The following CLDN11 variants were observed in gnomAD, a reference collection of about 807,000 sequenced individuals.
CLDN11 encodes the protein claudin-11.
Under a neutral mutation model 18.0 loss-of-function variants are expected in CLDN11, and 1 was observed. That is an observed-to-expected ratio of 0.06 (90% CI 0.02 to 0.26). The LOEUF (loss-of-function observed/expected upper bound fraction) is 0.26. Ranked by LOEUF, CLDN11 falls within the 10% of genes least tolerant of loss-of-function variation. The pLI is 1.00. For missense variants in CLDN11, 172 were observed against 276.6 expected (o/e 0.62, Z 2.68); for synonymous variants, 116 against 121.5 (o/e 0.96, Z 0.30).
chr3:170,423,427 G>T, intron 2 of CLDN11, 100 bp downstream of exon 2: 1 of 1,275,936 alleles, frequency 7.8e-7, no homozygotes, highest in Non-Finnish European at 1.1e-6. Flanking sequence ...AATGTGAAAG[G>T]AAGCCAAGTG....
At chr3:170,426,517 A>C (rs1738857907) in intron 2 of CLDN11, among the ~76,000 whole-genome samples, 2 of 152,180 alleles carry the variant, frequency 1.3e-5, no homozygotes, top group Non-Finnish European at 2.9e-5. Context: ...AACTGTGCTG[A>C]ATCTGGAACC....
At chr3:170,425,789 C>T (rs972689813) in intron 2 of CLDN11, among the ~76,000 whole-genome samples, 1 of 152,192 alleles carries the variant, frequency 6.6e-6, no homozygotes, top group African/African-American at 2.4e-5. Context: ...TGCTTTGCTC[C>T]TATCCGGATT....
rs747114994 is a variant in CLDN11 at position 170,419,063 on chromosome 3, C to T, written c.-4C>T. On this transcript the variant is annotated 5_prime_UTR_variant, in exon 1 of 3. Transcript: ENST00000064724. This position sits in a 1 kb window ranked among gnomAD's most constrained non-coding sequence, Gnocchi z 8.6. The stretch of plus-strand genomic sequence containing the variant: ...CGAGGCACGGGGACATCCTGGCGGC[C>T]ACCATGGTGGCCACGTGCCTGCAGG... 4 of 1,549,000 alleles carry T rather than the reference C, an allele frequency of 2.6e-6. No homozygotes were observed. The Admixed American group carries it at 7.8e-5, about 30-fold the overall frequency.
chr3:170,430,778 T>G lies in CLDN11; in HGVS notation c.392-1746T>G, dbSNP rs181693447. ...CCAGGCTGATCTTGAACTCCTGACC[T>G]CAGGTGATTCGCCCACCTTGGCCTC... is the stretch of plus-strand genomic sequence containing the variant. On this transcript the variant is annotated intron_variant, in intron 2 of 2. Coordinates refer to ENST00000064724, the MANE Select transcript of CLDN11 (RefSeq NM_005602.6). 2.4e-4 allele frequency among the ~76,000 whole-genome samples: 36 copies of G among 152,164 alleles called. No individual in the cohort carries two copies. In the East Asian group the frequency reaches 6.6e-3, roughly 28 times the overall value.
Position 170,419,517 on chromosome 3 carries a change from C to G in CLDN11, c.226+225C>G, listed in dbSNP as rs1560232766. ...TTTGAGATAATAGTGGCAATGTGGC[C>G]GGTGGTAACACTGGCCGGGTCCCTT... On this transcript the variant is annotated intron_variant, in intron 1 of 2. Transcript: ENST00000064724. This position sits in a 1 kb window ranked among gnomAD's most constrained non-coding sequence, Gnocchi z 8.6. Among the ~76,000 whole-genome samples, 1 of 152,200 alleles carries G rather than the reference C, an allele frequency of 6.6e-6. No individual in the cohort carries two copies. The highest frequency in any genetic ancestry group is 1.5e-5 in the Non-Finnish European group (1 of 68,030).
rs543979830 is a variant in CLDN11 at position 170,431,528 on chromosome 3, C to A, written c.392-996C>A. Among the ~76,000 whole-genome samples the A allele has an allele frequency of 5.9e-5, 9 of 152,240 alleles. No individual in the cohort carries two copies. The East Asian group carries it at 1.2e-3, about 20-fold the overall frequency. On this transcript the variant is annotated intron_variant, in intron 2 of 2. Coordinates refer to ENST00000064724, the MANE Select transcript of CLDN11 (RefSeq NM_005602.6). ...AAAATTCAGTTCTTCATCTCACTAG[C>A]CTCATGGCAAATGATCAATGGTCCC...
In CLDN11 at chr3:170,428,140, C is replaced by CAAA. The variant is rs34713746; in HGVS notation, c.392-4369_392-4367dup. 3.3e-3 allele frequency among the ~76,000 whole-genome samples: 355 copies of CAAA among 106,900 alleles called. 3 individuals are homozygous for CAAA. The highest frequency in any genetic ancestry group is 0.012 in the African/African-American group (310 of 26,272). The allele number at this position is 106,900 out of a possible 152,430, so 70.1% of individuals were successfully genotyped here. ...CCAGCCTGGGTGACAGATATCCTAT[C>CAAA]AAAAAAAAAAAAAAAAAGATTTATT... is the stretch of plus-strand genomic sequence containing the variant. On this transcript the variant is annotated intron_variant, in intron 2 of 2. Transcript: ENST00000064724.
chr3:170,432,846 C>A lies in CLDN11; in HGVS notation c.*90C>A. ...TCACAGTGTGGGGAAGCCCATTCCT[C>A]TGCCAGGCTCTAAAGCCAAAGGTCT... On this transcript the variant is annotated 3_prime_UTR_variant, in exon 3 of 3. Transcript: ENST00000064724. 1 of 1,258,328 alleles carries A rather than the reference C, an allele frequency of 7.9e-7. No homozygotes were observed. Among genetic ancestry groups the A allele is most frequent in the Non-Finnish European group, 1.1e-6 (1 of 869,670 alleles). 77.9% of individuals were successfully genotyped at this position (1,258,328 alleles called of 1,614,324 possible).
intron 2 of CLDN11, among the ~76,000 whole-genome samples, chr3:170,430,076 GT>G (rs934369281): frequency 1.2e-4 from 19 of 152,210 alleles, no homozygotes; most frequent in Admixed American, 1.0e-3. Flanking sequence ...CTAGGTTGCT[GT>G]TTTTTGCCCA....
Position 170,419,177 on chromosome 3 carries a change from C to T in CLDN11, c.111C>T (p.Thr37=), listed in dbSNP as rs1288435770. The change falls in exon 1 of 3, where the codon ACC becomes ACT. Residue 37 remains threonine (T), a synonymous_variant. Coordinates refer to ENST00000064724, the MANE Select transcript of CLDN11 (RefSeq NM_005602.6). The surrounding 1 kb of genome is among the most constrained non-coding windows in gnomAD (Gnocchi z 8.6). ...ACTGGGTGGTGACCTGCGGCTACAC[C>T]ATCCCCACCTGCCGCAAGCTGGATG... The part of the protein sequence containing the change: ...TNDWVVTCGY[T]IPTCRKLDEL... 1.5e-5 allele frequency: 23 copies of T among 1,555,412 alleles called. No individual in the cohort carries two copies. Among genetic ancestry groups the T allele is most frequent in the Non-Finnish European group, 1.9e-5 (22 of 1,150,022 alleles).
Position 170,433,940 on chromosome 3 carries a change from G to T in CLDN11, c.*1184G>T, listed in dbSNP as rs969244665. 2 of 152,550 alleles carry T rather than the reference G, an allele frequency of 1.3e-5. No individual in the cohort carries two copies. The highest frequency in any genetic ancestry group is 4.8e-5 in the African/African-American group (2 of 41,436). 9.4% of individuals were successfully genotyped at this position (152,550 alleles called of 1,614,324 possible). A position where few individuals can be genotyped will look rare whatever the true frequency, so the allele number is the denominator to read the frequency against. The stretch of plus-strand genomic sequence containing the variant: ...TATTTGTATTGTTAGCCATCTTGAA[G>T]TGATGTTGTTTAACATAAATTGTAC... On this transcript the variant is annotated 3_prime_UTR_variant, in exon 3 of 3. Transcript: ENST00000064724.
At chr3:170,420,116 G>C (rs764562733) in intron 1 of CLDN11, among the ~76,000 whole-genome samples, 15 of 152,252 alleles carry the variant, frequency 9.9e-5, no homozygotes, top group Non-Finnish European at 1.3e-4. Context: ...GATTGGGAAG[G>C]GGAGGTAAAA....
Position 170,432,899 on chromosome 3 carries a change from A to G in CLDN11, c.*143A>G, listed in dbSNP as rs1230226439. On this transcript the variant is annotated 3_prime_UTR_variant, in exon 3 of 3. Coordinates refer to ENST00000064724, the MANE Select transcript of CLDN11 (RefSeq NM_005602.6). ...AAAAGCATCCTGTCTGGCATTTTGT[A>G]GTCTTAACTTCTCCCCATTTCCCCC... 8.5e-6 allele frequency: 6 copies of G among 708,790 alleles called. No homozygotes were observed. The East Asian group carries it at 1.6e-4, about 19-fold the overall frequency. 43.9% of individuals were successfully genotyped at this position (708,790 alleles called of 1,614,324 possible).
chr3:170,421,900 C>A (rs1031330781), intron 1 of CLDN11, among the ~76,000 whole-genome samples: 6 of 152,228 alleles, frequency 3.9e-5, no homozygotes, highest in African/African-American at 1.4e-4. Context: ...CTCTACTCTT[C>A]TATTTTTCAG....
chr3:170,422,655 T>C (rs1738752195), intron 1 of CLDN11, among the ~76,000 whole-genome samples: 1 of 152,172 alleles, frequency 6.6e-6, no homozygotes, highest in Non-Finnish European at 1.5e-5. Flanking sequence ...ACTCCTGACC[T>C]CAGAAGATCC....
chr3:170,420,687 G>A (rs1008105839), intron 1 of CLDN11, among the ~76,000 whole-genome samples: 6 of 152,170 alleles, frequency 3.9e-5, no homozygotes, highest in Non-Finnish European at 1.5e-5. Context: ...TGCTTGCCTG[G>A]TTTGCCTTAC....
At chr3:170,421,971 C>G (rs16855044) in intron 1 of CLDN11, among the ~76,000 whole-genome samples, 3,574 of 152,268 alleles carry the variant, frequency 0.023, 141 homozygotes, top group African/African-American at 0.082. Flanking sequence ...GTGTTAACTC[C>G]GTGAATACCA....
chr3:170,432,622 G>C lies in CLDN11; in HGVS notation c.490G>C (p.Gly164Arg), dbSNP rs1341368881. Residue 164 changes from glycine (G) to arginine (R), a missense_variant, in exon 3 of 3, where the codon GGT becomes CGT. Coordinates refer to ENST00000064724, the MANE Select transcript of CLDN11 (RefSeq NM_005602.6). ...CTACTCCCTGTATGCAGGCTGGATT[G>C]GTGCTGTGCTGTGCCTCGTGGGTGG... The part of the protein sequence containing the change: ...FGYSLYAGWI[G>R]AVLCLVGGCV... 6.2e-7 allele frequency: 1 copy of C among 1,614,124 alleles called. No individual in the cohort carries two copies. Among genetic ancestry groups the C allele is most frequent in the Non-Finnish European group, 8.5e-7 (1 of 1,180,036 alleles).
chr3:170,423,013 T>C, intron 1 of CLDN11, 150 bp from the exon 2 acceptor site: 1 of 790,768 alleles, frequency 1.3e-6, no homozygotes, highest in Middle Eastern at 3.9e-4. Context: ...TAAAAAGTGC[T>C]TAGTGACCTT....
Sources: allele counts gnomAD v4.1 joint callset (sites outside exome capture counted in the v4.1 genomes callset), GRCh38; gene constraint gnomAD v4.1.1; non-coding constraint Gnocchi (gnomAD v3.1); transcripts MANE v1.5; gene names NCBI Gene and HGNC (gene_info 2026-07-23, HGNC 2026-07-21).